TDRD9: variants seen among roughly 807,000 people sequenced by gnomAD.
TDRD9 encodes ATP-dependent RNA helicase TDRD9.
TDRD9 carries 124 observed loss-of-function variants against 172.6 expected under a neutral mutation model. That is an observed-to-expected ratio of 0.72 (90% CI 0.62 to 0.83). The LOEUF (loss-of-function observed/expected upper bound fraction) is 0.83, where lower values mean the gene tolerates loss of function less well. Among genes scored for constraint, TDRD9 ranks in the 40% least tolerant of loss-of-function variants. The probability of loss-of-function intolerance (pLI) is 0.00; values close to 1 mark genes in which losing one functional copy is unlikely to be tolerated. For synonymous variants in TDRD9, 619 were observed against 617.1 expected, an observed-to-expected ratio of 1.00 and a Z score of -0.05; for missense variants, 1,479 against 1,714.1, an observed-to-expected ratio of 0.86 and a Z score of 2.42.
chr14:104,006,641 G>C lies in TDRD9; in HGVS notation c.1880-5G>C, dbSNP rs1278346224. ...ACATTCTTCTTGTTTATTTTTTATG[G>C]TTAGCGGCAGCTCTTTCTTTGAAGA... On this transcript the variant is annotated splice_region_variant and splice_polypyrimidine_tract_variant and intron_variant, in intron 16 of 35. Coordinates refer to ENST00000409874, the MANE Select transcript of TDRD9 (RefSeq NM_153046.3). 4 of 1,613,452 alleles carry C rather than the reference G, an allele frequency of 2.5e-6. No homozygotes were observed. In the East Asian group the frequency reaches 8.9e-5, roughly 36 times the overall value.
chr14:103,995,879 A>G (rs2034042061), intron 12 of TDRD9, 72 bp downstream of exon 12: 1 of 1,355,354 alleles, frequency 7.4e-7, no homozygotes, highest in Non-Finnish European at 1.0e-6. Flanking sequence ...CACCTCACTC[A>G]GGAATTGTTC....
At chr14:104,044,109 C>T (rs919538331) in intron 34 of TDRD9, among the ~76,000 whole-genome samples, 1 of 152,198 alleles carries the variant, frequency 6.6e-6, no homozygotes, top group African/African-American at 2.4e-5. Flanking sequence ...GCAGGCCTGC[C>T]TTGTCTTCCG....
intron 30 of TDRD9, among the ~76,000 whole-genome samples, chr14:104,033,587 C>A (rs1246794682): frequency 1.3e-5 from 2 of 152,110 alleles, no homozygotes; most frequent in African/African-American, 4.8e-5. Flanking sequence ...GTGGGGTGGA[C>A]CACACTCAGT....
At chr14:104,024,872 A>G (rs987512530) in intron 25 of TDRD9, among the ~76,000 whole-genome samples, 192 bp downstream of exon 25, 26 of 152,210 alleles carry the variant, frequency 1.7e-4, no homozygotes, top group African/African-American at 5.1e-4. Flanking sequence ...TATGACTAAA[A>G]TGGAAATTGA....
At chr14:103,936,279 A>G (rs941681985) in intron 1 of TDRD9, among the ~76,000 whole-genome samples, 3 of 152,158 alleles carry the variant, frequency 2.0e-5, no homozygotes, top group Non-Finnish European at 2.9e-5. Context: ...TTTTGGAGAC[A>G]TGGGATTTCA....
intron 4 of TDRD9, 107 bp downstream of exon 4, chr14:103,965,661 C>G (rs567653015): frequency 6.8e-6 from 7 of 1,030,962 alleles, no homozygotes; most frequent in African/African-American, 4.8e-5. Flanking sequence ...CCATTTTCTG[C>G]TGAAAATTAG....
intron 30 of TDRD9, among the ~76,000 whole-genome samples, chr14:104,033,210 T>C (rs938799150): frequency 3.3e-5 from 5 of 152,158 alleles, no homozygotes; most frequent in Non-Finnish European, 4.4e-5. Context: ...GGGGAGCACA[T>C]TGGAAATGCA....
intron 32 of TDRD9, among the ~76,000 whole-genome samples, chr14:104,039,187 A>G (rs189334665): frequency 5.9e-5 from 9 of 152,330 alleles, no homozygotes; most frequent in Admixed American, 4.6e-4. Context: ...TTACGAAACC[A>G]TGAGATTTCA....
Position 103,966,732 on chromosome 14 carries a change from A to G in TDRD9, c.666A>G (p.Thr222=). The G allele has an allele frequency of 6.5e-7, 1 of 1,549,548 alleles. No homozygotes were observed. Among genetic ancestry groups the G allele is most frequent in the Non-Finnish European group, 8.7e-7 (1 of 1,145,892 alleles). Residue 222 remains threonine (T), a synonymous_variant, in exon 5 of 36, where the codon ACA becomes ACG. Coordinates refer to ENST00000409874, the MANE Select transcript of TDRD9 (RefSeq NM_153046.3). The part of the protein sequence containing the change: ...GYQVGLEKIA[T]EDTRLIYMTT... ...AGGTAGGGCTAGAGAAAATAGCAAC[A>G]GAGGACACCAGGCTAATTTATATGA...
intron 33 of TDRD9, among the ~76,000 whole-genome samples, 168 bp downstream of exon 33, chr14:104,040,502 G>A (rs191816837): frequency 6.6e-6 from 1 of 152,114 alleles, no homozygotes; most frequent in Admixed American, 6.5e-5. Context: ...CAGGAGGACC[G>A]CTCCTTAACT....
At chr14:104,022,364 G>C in intron 24 of TDRD9, 34 bp downstream of exon 24, 1 of 1,596,432 alleles carries the variant, frequency 6.3e-7, no homozygotes, top group Non-Finnish European at 8.5e-7. Context: ...GACAGGCCGT[G>C]CCTGCTTTCA....
intron 1 of TDRD9, among the ~76,000 whole-genome samples, chr14:103,954,401 G>C (rs558132448): frequency 3.3e-5 from 5 of 152,208 alleles, no homozygotes; most frequent in Admixed American, 6.5e-5. Context: ...AAGAATGGTA[G>C]TTTCATGTGG....
chr14:104,005,583 G>A (rs535184481), intron 15 of TDRD9, among the ~76,000 whole-genome samples, 178 bp downstream of exon 15: 66 of 151,244 alleles, frequency 4.4e-4, no homozygotes, highest in African/African-American at 1.4e-3. Flanking sequence ...TCACTTTCCC[G>A]CTAACTCTGT....
Position 103,936,620 on chromosome 14 carries a change from A to G in TDRD9, c.215+7896A>G, listed in dbSNP as rs1257064278. ...AAGTGTACGATAAAATATTTCCAGAATATGGGTGCTTCTCACAGTTTACAT... is the reference window on the plus strand; with the variant it reads ...AAGTGTACGATAAAATATTTCCAGAGTATGGGTGCTTCTCACAGTTTACAT... On this transcript the variant is annotated intron_variant, in intron 1 of 35. Transcript: ENST00000409874. 5.3e-5 allele frequency among the ~76,000 whole-genome samples: 8 copies of G among 152,170 alleles called. No homozygotes were observed. The East Asian group carries it at 1.5e-3, about 29-fold the overall frequency.
intron 9 of TDRD9, 131 bp from the exon 10 acceptor site, chr14:103,994,201 C>G: frequency 1.3e-6 from 1 of 759,170 alleles, no homozygotes; most frequent in Non-Finnish European, 2.2e-6. Context: ...CATATTTAGG[C>G]AAAGAGGATA....
chr14:104,041,941 C>T (rs146156186), intron 33 of TDRD9, 128 bp from the exon 34 acceptor site: 2 of 613,082 alleles, frequency 3.3e-6, no homozygotes, highest in Non-Finnish European at 5.7e-6. Flanking sequence ...AAGATGCCTT[C>T]AGCAGGCGAG....
chr14:103,987,469 CAG>C (rs1215849806), intron 8 of TDRD9, among the ~76,000 whole-genome samples: 1 of 152,162 alleles, frequency 6.6e-6, no homozygotes, highest in Non-Finnish European at 1.5e-5. Flanking sequence ...TCATTCATCT[CAG>C]AGTATTTTCT....
chr14:104,013,864 C>G (rs8007491), intron 20 of TDRD9: 6 of 151,938 alleles, frequency 3.9e-5, no homozygotes, highest in Admixed American at 6.5e-5. Flanking sequence ...TGTGTTGATC[C>G]GTGTGGGATT....
chr14:103,941,646 G>C, intron 1 of TDRD9: 1 of 1,532,708 alleles, frequency 6.5e-7, no homozygotes, highest in Non-Finnish European at 8.7e-7. Flanking sequence ...ATAGTGTGTG[G>C]GTTTGTAGGA....
Sources: gnomAD v4.1 joint callset for allele counts (sites outside exome capture counted in the v4.1 genomes callset) on GRCh38, gnomAD v4.1.1 for gene constraint, MANE v1.5 for transcripts, NCBI Gene and HGNC (gene_info 2026-07-23, HGNC 2026-07-21) for gene names.